The following RIMS1 variants were observed in gnomAD, a reference collection of about 807,000 sequenced individuals.
The protein encoded by RIMS1 is regulating synaptic membrane exocytosis 1.
Under a neutral mutation model 214.1 loss-of-function variants are expected in RIMS1, and 83 were observed. The observed-to-expected ratio is 0.39, with a 90% CI of 0.32 to 0.47. The LOEUF (loss-of-function observed/expected upper bound fraction) is 0.47, where lower values mean the gene tolerates loss of function less well. RIMS1 is among the 20% of genes least tolerant of loss of function. The probability of loss-of-function intolerance (pLI) is 0.99; values close to 1 mark genes in which losing one functional copy is unlikely to be tolerated. For missense variants in RIMS1, 2,050 were observed against 2,161.8 expected (o/e 0.95, Z 1.03); for synonymous variants, 793 against 786.8 (o/e 1.01, Z -0.13).
At chr6:71,962,223 T>A (rs995246336) in intron 1 of RIMS1, among the ~76,000 whole-genome samples, 1 of 152,152 alleles carries the variant, frequency 6.6e-6, no homozygotes, top group Non-Finnish European at 1.5e-5. Context: ...TTTGAAAAAA[T>A]GGATTTCCAA....
chr6:72,024,075 G>A (rs1450652785), intron 2 of RIMS1, among the ~76,000 whole-genome samples: 2 of 152,096 alleles, frequency 1.3e-5, no homozygotes, highest in Admixed American at 1.3e-4. Context: ...TGATTTTAAT[G>A]TACTAATTAG....
intron 29 of RIMS1, among the ~76,000 whole-genome samples, chr6:72,382,558 T>C (rs1488912732): frequency 1.3e-5 from 2 of 152,220 alleles, no homozygotes; most frequent in African/African-American, 4.8e-5. Context: ...GACCAGGACC[T>C]TGAGATTATT....
chr6:72,182,876 C>A lies in RIMS1; in HGVS notation c.1405C>A (p.Pro469Thr), dbSNP rs773912494. Residue 469 changes from proline to threonine, a missense_variant, in exon 6 of 34, where the codon CCC becomes ACC. By Grantham distance (38) the Pro-to-Thr change is conservative. This residue lies in a region of RIMS1 where 882 missense variants were observed against 828.9 expected (regional missense o/e 1.06). Coordinates refer to ENST00000521978, the MANE Select transcript of RIMS1 (RefSeq NM_014989.7). ...AEAPELKAQE[P>T]LRKQSRLDPS... ...AGCCCCGGAGCTCAAAGCCCAGGAGCCCCTCAGGAAGCAGAGCCGCCTGGA... is the reference window on the plus strand; with the variant it reads ...AGCCCCGGAGCTCAAAGCCCAGGAGACCCTCAGGAAGCAGAGCCGCCTGGA... 1.3e-6 allele frequency: 2 copies of A among 1,563,668 alleles called. No homozygotes were observed. The highest frequency in any genetic ancestry group is 2.4e-5 in the East Asian group (1 of 41,700).
intron 4 of RIMS1, among the ~76,000 whole-genome samples, chr6:72,137,651 GTTTAC>G (rs939705290): frequency 2.0e-5 from 3 of 149,212 alleles, no homozygotes; most frequent in African/African-American, 7.4e-5. Flanking sequence ...GATATTGTGT[GTTTAC>G]TTTATAGCTT....
At chr6:72,295,315 T>C (rs1382818224) in intron 26 of RIMS1, among the ~76,000 whole-genome samples, 1 of 151,728 alleles carries the variant, frequency 6.6e-6, no homozygotes, top group African/African-American at 2.4e-5. Context: ...AACAACTAAT[T>C]TTACTTTGGG....
chr6:72,317,711 A>G (rs2095878941), intron 28 of RIMS1, among the ~76,000 whole-genome samples: 4 of 152,308 alleles, frequency 2.6e-5, no homozygotes, highest in African/African-American at 9.6e-5. Flanking sequence ...TTTGTGATGC[A>G]TATGAAAATC....
intron 22 of RIMS1, among the ~76,000 whole-genome samples, chr6:72,267,838 T>G (rs2081300176): frequency 6.6e-6 from 1 of 152,164 alleles, no homozygotes; most frequent in African/African-American, 2.4e-5. Flanking sequence ...GGACAGTTAT[T>G]GTACAGATTG....
intron 31 of RIMS1, 42 bp from the exon 32 acceptor site, chr6:72,398,207 T>C: frequency 5.4e-6 from 7 of 1,295,814 alleles, no homozygotes; most frequent in Non-Finnish European, 6.6e-6. Context: ...TGCACATAAC[T>C]GCAAAGAAGC....
intron 1 of RIMS1, among the ~76,000 whole-genome samples, chr6:71,965,157 G>A (rs531467446): frequency 8.9e-4 from 136 of 152,182 alleles, no homozygotes; most frequent in South Asian, 7.5e-3. Flanking sequence ...TTCAAAAACC[G>A]TAACATTAAG....
At chr6:72,262,905 A>G in intron 19 of RIMS1, 2 of 487,384 alleles carry the variant, frequency 4.1e-6, no homozygotes, top group Non-Finnish European at 5.3e-6. Context: ...AATAACAAGC[A>G]CAGTGTTAAA....
At chr6:72,106,100 T>A (rs768875076) in intron 4 of RIMS1, among the ~76,000 whole-genome samples, 3 of 152,216 alleles carry the variant, frequency 2.0e-5, no homozygotes, top group Non-Finnish European at 2.9e-5. Context: ...ACAAATACAT[T>A]TATTCATTGG....
intron 4 of RIMS1, among the ~76,000 whole-genome samples, chr6:72,163,001 G>T (rs112150113): frequency 0.072 from 8,812 of 123,048 alleles, 1,055 homozygotes; most frequent in South Asian, 0.11. Context: ...TTGGTTCCAT[G>T]CTCCCCGTGA....
At chr6:72,394,634 G>C (rs969363001) in intron 31 of RIMS1, among the ~76,000 whole-genome samples, 2 of 152,058 alleles carry the variant, frequency 1.3e-5, no homozygotes, top group African/African-American at 4.8e-5. Context: ...AAGAAGTTGA[G>C]AGACAGGTAG....
At chr6:72,343,369 A>ATAG (rs2097157226) in intron 29 of RIMS1, among the ~76,000 whole-genome samples, 1 of 150,292 alleles carries the variant, frequency 6.7e-6, no homozygotes. Context: ...TTTAGCATGC[A>ATAG]TATTATTATT....
chr6:71,903,289 C>CT (rs1774262969), intron 1 of RIMS1, among the ~76,000 whole-genome samples: 1 of 152,100 alleles, frequency 6.6e-6, no homozygotes, highest in Admixed American at 6.6e-5. Context: ...CGATGTTGAG[C>CT]TTTTTTATCA....
At chr6:71,900,099 G>T (rs569931684) in intron 1 of RIMS1, among the ~76,000 whole-genome samples, 2 of 152,194 alleles carry the variant, frequency 1.3e-5, no homozygotes, top group East Asian at 3.9e-4. Context: ...CTAAGATCAG[G>T]TTATCCAGGT....
At chr6:72,183,247 G>T (rs547642723) in intron 6 of RIMS1, 98 bp downstream of exon 6, 2 of 1,190,380 alleles carry the variant, frequency 1.7e-6, no homozygotes, top group South Asian at 1.4e-5. Flanking sequence ...CAGCATTGAG[G>T]CTGGGAATGC....
chr6:72,269,373 C>A (rs951859285), intron 22 of RIMS1, among the ~76,000 whole-genome samples: 1 of 152,134 alleles, frequency 6.6e-6, no homozygotes, highest in Non-Finnish European at 1.5e-5. Flanking sequence ...TCCCTAGCTC[C>A]ACCTCCAGTT....
intron 23 of RIMS1, among the ~76,000 whole-genome samples, chr6:72,276,903 G>T (rs1236591969): frequency 6.6e-6 from 1 of 152,178 alleles, no homozygotes; most frequent in Non-Finnish European, 1.5e-5. Context: ...TATGGCATCA[G>T]ATTTGGATAT....
Sources: gnomAD v4.1 joint callset for allele counts (sites outside exome capture counted in the v4.1 genomes callset) on GRCh38, gnomAD v4.1.1 for gene constraint, gnomAD v4.1.1 regional missense constraint, MANE v1.5 for transcripts, NCBI Gene and HGNC (gene_info 2026-07-23, HGNC 2026-07-21) for gene names.